FHOD3: variants seen among roughly 807,000 people sequenced by gnomAD.
FHOD3 encodes formin homology 2 domain containing 3.
A neutral mutation model predicts 173.0 loss-of-function variants in FHOD3; 90 were observed. The observed-to-expected ratio is 0.52, with a 90% confidence interval of 0.44 to 0.62. FHOD3 has a LOEUF of 0.62. Ranked by LOEUF, FHOD3 falls within the 20% of genes least tolerant of loss-of-function variation. The pLI is 0.00. For missense variants in FHOD3, 1,945 were observed against 2,034.7 expected, an observed-to-expected ratio of 0.96 and a Z score of 0.85; for synonymous variants, 828 against 823.0, an observed-to-expected ratio of 1.01 and a Z score of -0.10.
chr18:36,755,105 T>C lies in FHOD3; in HGVS notation c.4233-14T>C. 6.5e-7 allele frequency: 1 copy of C among 1,542,956 alleles called. No homozygotes were observed. Among genetic ancestry groups the C allele is most frequent in the Non-Finnish European group, 8.7e-7 (1 of 1,145,678 alleles). On this transcript the variant is annotated splice_polypyrimidine_tract_variant and intron_variant, in intron 24 of 28. Coordinates refer to ENST00000590592, the MANE Select transcript of FHOD3 (RefSeq NM_001281740.3). ...AAAACGGAAGTCATTGCTATTACTG[T>C]TTTTTCCTTGCAGATTCCACTCCTT... is the stretch of plus-strand genomic sequence containing the variant.
rs747629087 is a variant in FHOD3, at chr18:36,742,975, G to T, written c.3879+119G>T. 2.4e-5 allele frequency: 33 copies of T among 1,376,326 alleles called. No homozygotes were observed. The South Asian group carries it at 4.0e-4, about 17-fold the overall frequency. 85.3% of individuals were successfully genotyped at this position (1,376,326 alleles called of 1,614,324 possible). A position where few individuals can be genotyped will look rare whatever the true frequency, so the allele number is the denominator to read the frequency against. On this transcript the variant is annotated intron_variant, in intron 22 of 28. Transcript: ENST00000590592. The stretch of plus-strand genomic sequence containing the variant: ...AAGCACAGTGGAACAAATGACTTTT[G>T]TGTCTTCTTGCTGAAAATCTAGAAG...
chr18:36,597,696 G>A (rs2030692394), intron 7 of FHOD3, among the ~76,000 whole-genome samples: 1 of 152,104 alleles, frequency 6.6e-6, no homozygotes, highest in Admixed American at 6.5e-5. Flanking sequence ...AGAGTGCTGG[G>A]ATTACAGGCG....
rs141974062 is a variant in FHOD3 at position 36,670,885 on chromosome 18, G to A, written c.1836-10551G>A. On this transcript the variant is annotated intron_variant, in intron 14 of 28. Transcript: ENST00000590592. The stretch of plus-strand genomic sequence containing the variant: ...CTTGCATAATTAGCTTTGTTAGGCA[G>A]GACCAGAGCTATGTTTAGTCCAATA... 2.0e-4 allele frequency among the ~76,000 whole-genome samples: 31 copies of A among 152,324 alleles called. No individual in the cohort carries two copies. In the East Asian group the frequency reaches 6.0e-3, roughly 29 times the overall value.
chr18:36,302,249 T>G (rs1011516893), intron 1 of FHOD3, among the ~76,000 whole-genome samples: 6 of 152,286 alleles, frequency 3.9e-5, no homozygotes, highest in Middle Eastern at 3.4e-3. Flanking sequence ...CTCACTACCC[T>G]TGTCTTTGTG....
intron 10 of FHOD3, among the ~76,000 whole-genome samples, chr18:36,639,096 T>G (rs953135120): frequency 2.6e-5 from 4 of 152,186 alleles, no homozygotes; most frequent in Non-Finnish European, 5.9e-5. Context: ...TGAGCAGGGC[T>G]GTTTTTTGCC....
intron 5 of FHOD3, among the ~76,000 whole-genome samples, chr18:36,516,472 G>A (rs1446076516): frequency 2.0e-5 from 3 of 152,188 alleles, no homozygotes; most frequent in Admixed American, 1.3e-4. Context: ...CTGGAGTGGC[G>A]AGGGCCTGTG....
chr18:36,604,944 ACATATGAAAACAACAAG>A (rs1190241944), intron 8 of FHOD3, among the ~76,000 whole-genome samples: 2 of 152,234 alleles, frequency 1.3e-5, no homozygotes, highest in African/African-American at 4.8e-5. Context: ...CAAAAGAAAT[ACATATGAAAACAACAAG>A]ACATGTTTCC....
intron 10 of FHOD3, among the ~76,000 whole-genome samples, chr18:36,636,853 T>C (rs1057508031): frequency 1.3e-5 from 2 of 152,190 alleles, no homozygotes; most frequent in African/African-American, 4.8e-5. Flanking sequence ...GCAGGCCTTC[T>C]GGTATGAAAC....
At chr18:36,684,241 A>G (rs1046734304) in intron 15 of FHOD3, among the ~76,000 whole-genome samples, 7 of 152,234 alleles carry the variant, frequency 4.6e-5, no homozygotes, top group Non-Finnish European at 1.0e-4. Context: ...AACAAAAATC[A>G]AGATTCTTTG....
chr18:36,566,408 C>G (rs1049778202), intron 5 of FHOD3, among the ~76,000 whole-genome samples: 4 of 152,196 alleles, frequency 2.6e-5, no homozygotes, highest in Admixed American at 1.3e-4. Flanking sequence ...GCATGTTTAA[C>G]TTACAGAAAA....
intron 1 of FHOD3, among the ~76,000 whole-genome samples, chr18:36,300,279 A>G (rs1441645721): frequency 1.3e-5 from 2 of 152,206 alleles, no homozygotes; most frequent in African/African-American, 2.4e-5. Flanking sequence ...AACCAGGTAT[A>G]TGGCTGTGGA....
At chr18:36,519,874 C>G (rs1482046186) in intron 5 of FHOD3, among the ~76,000 whole-genome samples, 2 of 151,770 alleles carry the variant, frequency 1.3e-5, no homozygotes, top group South Asian at 2.1e-4. Flanking sequence ...CTCTTACTCT[C>G]TTCCAAGGTA....
chr18:36,401,345 C>T (rs2048802933), intron 3 of FHOD3, among the ~76,000 whole-genome samples: 1 of 152,220 alleles, frequency 6.6e-6, no homozygotes, highest in Non-Finnish European at 1.5e-5. Context: ...ACTGAATCTG[C>T]CGTTACCTTG....
chr18:36,469,714 C>T (rs2053165071), intron 3 of FHOD3, among the ~76,000 whole-genome samples: 1 of 151,902 alleles, frequency 6.6e-6, no homozygotes, highest in African/African-American at 2.4e-5. Context: ...GGTTGGATCT[C>T]AATGTGAAAC....
chr18:36,658,420 T>G (rs550444246), intron 14 of FHOD3, among the ~76,000 whole-genome samples: 5 of 152,364 alleles, frequency 3.3e-5, no homozygotes, highest in African/African-American at 9.6e-5. Flanking sequence ...CTACACACTT[T>G]CCATAGAAAG....
At position 36,577,501 on chromosome 18, in the gene FHOD3, A is replaced by G. The variant is rs141212478; in HGVS notation, c.606+956A>G. On this transcript the variant is annotated intron_variant, in intron 6 of 28. Coordinates refer to ENST00000590592, the MANE Select transcript of FHOD3 (RefSeq NM_001281740.3). The stretch of plus-strand genomic sequence containing the variant: ...TTTTTAATAGAGACAAAGTTTCACC[A>G]TGTTGGCCAGTCTGGTCTTGAACTC... Among the ~76,000 whole-genome samples the G allele has an allele frequency of 1.3e-4, 20 of 152,242 alleles. 1 individual carries two copies. The East Asian group carries it at 3.5e-3, about 27-fold the overall frequency.
At chr18:36,600,216 G>A (rs919989760) in intron 7 of FHOD3, among the ~76,000 whole-genome samples, 2 of 148,118 alleles carry the variant, frequency 1.4e-5, no homozygotes, top group Non-Finnish European at 3.0e-5. Flanking sequence ...AGCATTATAT[G>A]GTTTATGATT....
At position 36,482,858 on chromosome 18, in the gene FHOD3, C is replaced by CAGAG. The variant is rs138052316; in HGVS notation, c.338-19040_338-19037dup. On this transcript the variant is annotated intron_variant, in intron 3 of 28. Coordinates refer to ENST00000590592, the MANE Select transcript of FHOD3 (RefSeq NM_001281740.3). ...ACACACACACACACTCACACACACACAGAGAGAGAGAGAGAGAGAGAGAGA... is the reference window on the plus strand; with the variant it reads ...ACACACACACACACTCACACACACACAGAGAGAGAGAGAGAGAGAGAGAGAGAGA... 6.1e-3 allele frequency among the ~76,000 whole-genome samples: 799 copies of CAGAG among 130,414 alleles called. 9 individuals carry two copies. The highest frequency in any genetic ancestry group is 0.024 in the Middle Eastern group (6 of 254). 85.6% of individuals were successfully genotyped at this position (130,414 alleles called of 152,430 possible). A position where few individuals can be genotyped will look rare whatever the true frequency, so the allele number is the denominator to read the frequency against.
chr18:36,443,191 A>G (rs1568278147), intron 3 of FHOD3, among the ~76,000 whole-genome samples: 1 of 152,180 alleles, frequency 6.6e-6, no homozygotes, highest in Non-Finnish European at 1.5e-5. Flanking sequence ...ATACTCTGAA[A>G]TTATGTAAAC....
Sources: gnomAD v4.1 joint callset for allele counts (sites outside exome capture counted in the v4.1 genomes callset) on GRCh38, gnomAD v4.1.1 for gene constraint, MANE v1.5 for transcripts, NCBI Gene and HGNC (gene_info 2026-07-23, HGNC 2026-07-21) for gene names.